Variants in PRKDC observed in about 807,000 individuals in gnomAD.
PRKDC encodes protein kinase, DNA-activated, catalytic subunit.
PRKDC carries 82 observed loss-of-function variants against 486.9 expected under a neutral mutation model. That is an observed-to-expected ratio of 0.17 (90% confidence interval 0.14 to 0.20). The LOEUF is 0.20. Among genes scored for constraint, PRKDC ranks in the 10% least tolerant of loss-of-function variants. The pLI is 1.00. For synonymous variants in PRKDC, 1,895 were observed against 1,837.0 expected, an observed-to-expected ratio of 1.03 and a Z score of -0.81; for missense variants, 4,504 against 5,038.2, an observed-to-expected ratio of 0.89 and a Z score of 3.21.
At chr8:47,929,436 A>T (rs1309501674) in intron 18 of PRKDC, among the ~76,000 whole-genome samples, 1 of 152,178 alleles carries the variant, frequency 6.6e-6, no homozygotes, top group East Asian at 1.9e-4. Context: ...CCCTGTAATT[A>T]CCCAGGTGGG....
intron 85 of PRKDC, among the ~76,000 whole-genome samples, chr8:47,774,903 C>A (rs1188439395): frequency 6.6e-6 from 1 of 152,124 alleles, no homozygotes; most frequent in Admixed American, 6.6e-5. Context: ...GCTGGGATTA[C>A]AGGTGTGAGC....
At chr8:47,902,001 A>C (rs1362653429) in intron 27 of PRKDC, among the ~76,000 whole-genome samples, 1 of 152,142 alleles carries the variant, frequency 6.6e-6, no homozygotes, top group African/African-American at 2.4e-5. Flanking sequence ...GAGGAAATCT[A>C]AATGCATCTC....
intron 71 of PRKDC, among the ~76,000 whole-genome samples, chr8:47,800,081 T>G (rs1350593593): frequency 6.6e-6 from 1 of 152,222 alleles, no homozygotes; most frequent in African/African-American, 2.4e-5. Context: ...ATAAGAAAAT[T>G]GGCTGTGCGT....
chr8:47,936,415 G>T lies in PRKDC; in HGVS notation c.1216C>A (p.Arg406Ser). 1 of 1,613,934 alleles carries T rather than the reference G, an allele frequency of 6.2e-7. No homozygotes were observed. Among genetic ancestry groups the T allele is most frequent in the Admixed American group, 1.7e-5 (1 of 59,990 alleles). ...FLTQTDTGDDRVYQMPSFLQS... is the reference protein window; with the variant it reads ...FLTQTDTGDDSVYQMPSFLQS... ...AGGAAGCTTGGCATCTGATAAACAC[G>T]GTCGTCACCAGTGTCTGTCTGGGTG... Residue 406 changes from arginine (R) to serine (S), a missense_variant, in exon 12 of 86, where the codon CGT becomes AGT. Physicochemically the swap from Arg to Ser is moderately radical, Grantham distance 110. Transcript: ENST00000314191.
Position 47,943,380 on chromosome 8 carries a change from T to C in PRKDC, c.809-14A>G, listed in dbSNP as rs1186093127. 9 of 1,586,540 alleles carry C rather than the reference T, an allele frequency of 5.7e-6. No homozygotes were observed. The South Asian group carries it at 8.1e-5, about 14-fold the overall frequency. On this transcript the variant is annotated splice_polypyrimidine_tract_variant and intron_variant, in intron 9 of 85. Coordinates refer to ENST00000314191, the MANE Select transcript of PRKDC (RefSeq NM_006904.7). The stretch of plus-strand genomic sequence containing the variant: ...GGCGCAAGCCAGCTGCAAATGCAAA[T>C]GCCATTATATTTAAAATCAGACGAC...
At chr8:47,853,055 A>G (rs1022373010) in intron 51 of PRKDC, among the ~76,000 whole-genome samples, 1 of 152,252 alleles carries the variant, frequency 6.6e-6, no homozygotes, top group African/African-American at 2.4e-5. Context: ...AACAGACAGA[A>G]AGGTGCAGTG....
intron 74 of PRKDC, among the ~76,000 whole-genome samples, chr8:47,793,987 A>G (rs1291382522): frequency 6.6e-6 from 1 of 152,222 alleles, no homozygotes; most frequent in African/African-American, 2.4e-5. Context: ...TGTATTTTAA[A>G]TTACAGGACA....
intron 40 of PRKDC, among the ~76,000 whole-genome samples, chr8:47,870,010 C>A (rs1338377731): frequency 6.6e-6 from 1 of 152,238 alleles, no homozygotes; most frequent in South Asian, 2.1e-4. Context: ...GCCAGCTCAA[C>A]TGCAGTGGAA....
At chr8:47,844,480 G>A (rs561091169) in intron 54 of PRKDC, among the ~76,000 whole-genome samples, 1 of 152,234 alleles carries the variant, frequency 6.6e-6, no homozygotes, top group African/African-American at 2.4e-5. Flanking sequence ...GTGTTAGATA[G>A]ATCAGGAAGG....
intron 1 of PRKDC, among the ~76,000 whole-genome samples, chr8:47,957,824 C>T (rs1047458000): frequency 7.2e-5 from 11 of 152,218 alleles, no homozygotes; most frequent in Admixed American, 3.3e-4. Flanking sequence ...AAGGTTGCAA[C>T]GGTTTTCAAG....
Position 47,773,111 on chromosome 8 carries a change from T to C in PRKDC, c.*1062A>G, listed in dbSNP as rs1411245055. Reference sequence around the variant, plus strand: ...ACTGCATAAAAGAGATACACACTACTTTTGGAAAAAAACTTTATTAAACAC... The same window carrying C: ...ACTGCATAAAAGAGATACACACTACCTTTGGAAAAAAACTTTATTAAACAC... On this transcript the variant is annotated 3_prime_UTR_variant, in exon 86 of 86. Coordinates refer to ENST00000314191, the MANE Select transcript of PRKDC (RefSeq NM_006904.7). The C allele has an allele frequency of 1.0e-5, 2 of 196,238 alleles. No homozygotes were observed. Among genetic ancestry groups the C allele is most frequent in the African/African-American group, 4.6e-5 (2 of 43,156 alleles). 12.2% of individuals were successfully genotyped at this position (196,238 alleles called of 1,614,324 possible).
chr8:47,935,596 G>A lies in PRKDC; in HGVS notation c.1447+136C>T, dbSNP rs571434838. On this transcript the variant is annotated intron_variant, in intron 13 of 85. Transcript: ENST00000314191. The stretch of plus-strand genomic sequence containing the variant: ...AGGATGAAAAAAAGGAAAAGATTTT[G>A]GTCTACCAAAATTTAGGAGTTCAAA... The A allele has an allele frequency of 8.8e-4, 689 of 779,556 alleles. 1 individual carries two copies. Among genetic ancestry groups the A allele is most frequent in the Middle Eastern group, 5.6e-3 (17 of 3,026 alleles). 48.3% of individuals were successfully genotyped at this position (779,556 alleles called of 1,614,324 possible).
At chr8:47,831,783 G>A in intron 60 of PRKDC, 31 bp downstream of exon 60, 1 of 1,601,014 alleles carries the variant, frequency 6.2e-7, no homozygotes, top group Non-Finnish European at 8.6e-7. Context: ...AAACTGCATC[G>A]TTCTGATCAA....
rs1282565322 is a variant in PRKDC at position 47,912,492 on chromosome 8, C to G, written c.2852G>C (p.Gly951Ala). 6.2e-7 allele frequency: 1 copy of G among 1,612,616 alleles called. No individual in the cohort carries two copies. Among genetic ancestry groups the G allele is most frequent in the Non-Finnish European group, 8.5e-7 (1 of 1,179,148 alleles). The change falls in exon 25 of 86, where the codon GGG becomes GCG. Residue 951 changes from glycine to alanine, a missense_variant. Physicochemically the swap from Gly to Ala is moderately conservative, Grantham distance 60. Transcript: ENST00000314191. ...MLGKATQMPEGGQGAPPMYQL... is the reference protein window; with the variant it reads ...MLGKATQMPEAGQGAPPMYQL... ...GTACATGGGTGGGGCTCCCTGTCCC[C>G]CTTCTGGCATCTGCGTGGCTTTGCC...
chr8:47,959,047 C>T (rs2090763141), intron 1 of PRKDC: 1 of 152,110 alleles, frequency 6.6e-6, no homozygotes, highest in Non-Finnish European at 1.5e-5. Context: ...CATATAGCAT[C>T]TAGTTTAAAC....
intron 40 of PRKDC, among the ~76,000 whole-genome samples, chr8:47,867,621 T>C (rs964113217): frequency 3.3e-5 from 5 of 152,140 alleles, no homozygotes; most frequent in African/African-American, 7.2e-5. Flanking sequence ...TGAGTAATTA[T>C]AGACTATCAC....
At chr8:47,906,246 C>T (rs1257272239) in intron 25 of PRKDC, among the ~76,000 whole-genome samples, 1 of 152,106 alleles carries the variant, frequency 6.6e-6, no homozygotes, top group Non-Finnish European at 1.5e-5. Context: ...ACTCAGGAGG[C>T]TGAGATGGGT....
Position 47,798,284 on chromosome 8 carries a change from T to A in PRKDC, c.10411A>T (p.Ile3471Phe), listed in dbSNP as rs1342565217. ...GTCTCCTCTGGATACCGTTCTATAA[T>A]CTGAAGTAATCTAGGAAACTTCAAT... ...ARLKFPRLLQ[I>F]IERYPEETLS... Residue 3471 changes from isoleucine to phenylalanine, a missense_variant, in exon 73 of 86, where the codon ATT becomes TTT. Around this residue, in one of 6 missense-constraint regions of PRKDC, gnomAD observed 706 missense variants for 945.0 expected, o/e 0.75. Coordinates refer to ENST00000314191, the MANE Select transcript of PRKDC (RefSeq NM_006904.7). The A allele has an allele frequency of 1.2e-6, 2 of 1,613,758 alleles. No homozygotes were observed. Among genetic ancestry groups the A allele is most frequent in the Non-Finnish European group, 1.7e-6 (2 of 1,179,856 alleles).
At chr8:47,947,958 T>C (rs998405339) in intron 7 of PRKDC, among the ~76,000 whole-genome samples, 11 of 151,572 alleles carry the variant, frequency 7.3e-5, no homozygotes, top group South Asian at 2.1e-4. Context: ...CATGCACCTA[T>C]AGTCCCCAGC....
Sources: allele counts gnomAD v4.1 joint callset (sites outside exome capture counted in the v4.1 genomes callset), GRCh38; gene constraint gnomAD v4.1.1; regional missense constraint gnomAD v4.1.1; transcripts MANE v1.5; gene names NCBI Gene and HGNC (gene_info 2026-07-23, HGNC 2026-07-21).